DESI2: variants seen among roughly 807,000 people sequenced by gnomAD.
DESI2 encodes deubiquitinase DESI2.
DESI2 carries 10 observed loss-of-function variants against 24.1 expected under a neutral mutation model. That is an observed-to-expected ratio of 0.41 (90% CI 0.26 to 0.70). The LOEUF (loss-of-function observed/expected upper bound fraction) is 0.70, where lower values mean the gene tolerates loss of function less well. Among genes scored for constraint, DESI2 ranks in the 30% least tolerant of loss-of-function variants. The pLI is 0.29. For synonymous variants in DESI2, 71 were observed against 87.7 expected (o/e 0.81, Z 1.06); for missense variants, 122 against 234.9 (o/e 0.52, Z 3.14).
intron 4 of DESI2, chr1:244,694,297 T>C (rs1677129786): frequency 2.4e-6 from 1 of 414,884 alleles, no homozygotes; most frequent in Non-Finnish European, 4.6e-6. Context: ...TTACATTCTT[T>C]TTAAGGACTG....
chr1:244,707,520 G>A lies in DESI2; in HGVS notation c.*1731G>A, dbSNP rs796110896. On this transcript the variant is annotated 3_prime_UTR_variant, in exon 5 of 5. Transcript: ENST00000302550. The stretch of plus-strand genomic sequence containing the variant: ...ATGAACTTAATGAGATGTCGACTTG[G>A]TTCAGGTCTAAAAATGAGGGCAAAA... The A allele has an allele frequency of 3.9e-5, 6 of 152,714 alleles. No homozygotes were observed. The highest frequency in any genetic ancestry group is 1.4e-4 in the African/African-American group (6 of 41,574). The allele number at this position is 152,714 out of a possible 1,614,324, so 9.5% of individuals were successfully genotyped here.
chr1:244,689,948 TAAAC>T lies in DESI2; in HGVS notation c.209+608_209+611del, dbSNP rs1676963364. On this transcript the variant is annotated intron_variant, in intron 3 of 4. Transcript: ENST00000302550. This position sits in a 1 kb window ranked among gnomAD's most constrained non-coding sequence, Gnocchi z 4.0. ...GGACACTTTACACGTTTGAAATAAT[TAAAC>T]AGTTGATTAGCGTAGAATCCATTGT... Among the ~76,000 whole-genome samples, 1 of 152,250 alleles carries T rather than the reference TAAAC, an allele frequency of 6.6e-6. No individual in the cohort carries two copies. The highest frequency in any genetic ancestry group is 2.4e-5 in the African/African-American group (1 of 41,468).
chr1:244,699,351 A>G (rs895571898), intron 4 of DESI2, among the ~76,000 whole-genome samples: 4 of 152,096 alleles, frequency 2.6e-5, no homozygotes, highest in Non-Finnish European at 5.9e-5. Flanking sequence ...TAGGAGGCCC[A>G]GGCAGGCAGA....
intron 1 of DESI2, among the ~76,000 whole-genome samples, chr1:244,682,044 A>G (rs1054584585): frequency 6.6e-6 from 1 of 152,206 alleles, no homozygotes; most frequent in Non-Finnish European, 1.5e-5. Context: ...GACTTCAGGA[A>G]TGAAGCTGCA....
At chr1:244,687,688 A>T (rs1471746434) in intron 2 of DESI2, among the ~76,000 whole-genome samples, 2 of 152,204 alleles carry the variant, frequency 1.3e-5, no homozygotes, top group Non-Finnish European at 2.9e-5. Flanking sequence ...TGGCTATAAA[A>T]ATCTGCCATT....
rs1056359279 is a variant in DESI2 at position 244,706,694 on chromosome 1, G to A, written c.*905G>A. 9 of 152,536 alleles carry A rather than the reference G, an allele frequency of 5.9e-5. No homozygotes were observed. Among genetic ancestry groups the A allele is most frequent in the Non-Finnish European group, 1.0e-4 (7 of 68,030 alleles). The allele number at this position is 152,536 out of a possible 1,614,324, so 9.4% of individuals were successfully genotyped here. A position where few individuals can be genotyped will look rare whatever the true frequency, so the allele number is the denominator to read the frequency against. ...AGTAGCAGTGAGTTGACATTCAGCTGCTTTTAACTATTCAGGCTACCTTTT... is the reference window on the plus strand; with the variant it reads ...AGTAGCAGTGAGTTGACATTCAGCTACTTTTAACTATTCAGGCTACCTTTT... On this transcript the variant is annotated 3_prime_UTR_variant, in exon 5 of 5. Coordinates refer to ENST00000302550, the MANE Select transcript of DESI2 (RefSeq NM_016076.5).
chr1:244,676,005 ATTT>A (rs1676403106), intron 1 of DESI2, among the ~76,000 whole-genome samples: 2 of 151,744 alleles, frequency 1.3e-5, no homozygotes, highest in African/African-American at 4.8e-5. Flanking sequence ...CCATAAGTTT[ATTT>A]TTTATGTAAC....
At chr1:244,681,050 C>G (rs1447214912) in intron 1 of DESI2, among the ~76,000 whole-genome samples, 1 of 151,082 alleles carries the variant, frequency 6.6e-6, no homozygotes, top group Non-Finnish European at 1.5e-5. Flanking sequence ...TTCACCTTTT[C>G]CCATGGTTGA....
intron 1 of DESI2, among the ~76,000 whole-genome samples, chr1:244,676,569 G>A (rs943270100): frequency 1.3e-5 from 2 of 151,310 alleles, no homozygotes; most frequent in South Asian, 4.2e-4. Flanking sequence ...TAATTGCCCT[G>A]GCTGGAATCT....
At chr1:244,680,505 T>C (rs1349047329) in intron 1 of DESI2, among the ~76,000 whole-genome samples, 1 of 152,142 alleles carries the variant, frequency 6.6e-6, no homozygotes, top group African/African-American at 2.4e-5. Flanking sequence ...TTCCTTATGG[T>C]TGTCTTCTGG....
chr1:244,701,052 A>C (rs1026478905), intron 4 of DESI2, among the ~76,000 whole-genome samples: 1 of 152,178 alleles, frequency 6.6e-6, no homozygotes, highest in Non-Finnish European at 1.5e-5. Flanking sequence ...GAGAACAACA[A>C]TAGAGGGAAG....
rs780068913 is a variant in DESI2, at chr1:244,653,296, G to A, written c.-18G>A. ...GACGGAGCGGCTTGAGGACGAGGCGGCGGCCGCGGGGAGGAGGATGGGGGC... is the reference window on the plus strand; with the variant it reads ...GACGGAGCGGCTTGAGGACGAGGCGACGGCCGCGGGGAGGAGGATGGGGGC... On this transcript the variant is annotated 5_prime_UTR_variant, in exon 1 of 5. Transcript: ENST00000302550. The A allele has an allele frequency of 5.4e-6, 8 of 1,490,944 alleles. No individual in the cohort carries two copies. In the South Asian group the frequency reaches 1.1e-4, roughly 20 times the overall value. The allele number at this position is 1,490,944 out of a possible 1,614,324, so 92.4% of individuals were successfully genotyped here. A position where few individuals can be genotyped will look rare whatever the true frequency, so the allele number is the denominator to read the frequency against.
chr1:244,683,084 G>A (rs1676674722), intron 1 of DESI2, among the ~76,000 whole-genome samples: 1 of 152,056 alleles, frequency 6.6e-6, no homozygotes, highest in African/African-American at 2.4e-5. Flanking sequence ...GATCCAGGGG[G>A]GTTCTGGCTA....
chr1:244,672,746 A>G (rs976202908), intron 1 of DESI2, among the ~76,000 whole-genome samples: 61 of 152,166 alleles, frequency 4.0e-4, no homozygotes, highest in African/African-American at 1.4e-3. Flanking sequence ...GCATGGTGGC[A>G]TATGCCTGTA....
At chr1:244,669,619 G>A (rs568410168) in intron 1 of DESI2, among the ~76,000 whole-genome samples, 200 of 152,092 alleles carry the variant, frequency 1.3e-3, no homozygotes, top group African/African-American at 4.6e-3. Context: ...CAGAGGTTGC[G>A]GTGAGCCAAG....
At chr1:244,688,267 T>G (rs1676891199) in intron 2 of DESI2, among the ~76,000 whole-genome samples, 1 of 152,232 alleles carries the variant, frequency 6.6e-6, no homozygotes, top group Non-Finnish European at 1.5e-5. Context: ...AATCCAAATA[T>G]AATCTTATCC....
At chr1:244,653,458 G>A (rs987150269) in intron 1 of DESI2, 103 bp downstream of exon 1, 1 of 1,235,002 alleles carries the variant, frequency 8.1e-7, no homozygotes. Context: ...TGGCGTCTCC[G>A]CCTCCAGCCT....
chr1:244,657,053 A>G (rs1259711248), intron 1 of DESI2, among the ~76,000 whole-genome samples: 1 of 152,238 alleles, frequency 6.6e-6, no homozygotes, highest in African/African-American at 2.4e-5. Flanking sequence ...GATTATAGGC[A>G]TGAGCCACTG....
chr1:244,654,382 C>T (rs562797609), intron 1 of DESI2, among the ~76,000 whole-genome samples: 1 of 152,238 alleles, frequency 6.6e-6, no homozygotes, highest in East Asian at 1.9e-4. Flanking sequence ...TACTACAGGC[C>T]AAGAGTCTTA....
Sources: allele counts gnomAD v4.1 joint callset (sites outside exome capture counted in the v4.1 genomes callset), GRCh38; gene constraint gnomAD v4.1.1; non-coding constraint Gnocchi (gnomAD v3.1); transcripts MANE v1.5; gene names NCBI Gene and HGNC (gene_info 2026-07-23, HGNC 2026-07-21).